The following NUDT9 variants were observed in gnomAD, a reference collection of about 807,000 sequenced individuals.
The protein encoded by NUDT9 is ADP-ribose pyrophosphatase.
NUDT9 carries 31 observed loss-of-function variants against 41.0 expected under a neutral mutation model. The ratio of observed to expected loss-of-function variants is 0.76; its 90% CI spans 0.57 to 1.02. The LOEUF (loss-of-function observed/expected upper bound fraction) is 1.02. Ranked by LOEUF, NUDT9 falls within the 50% of genes least tolerant of loss-of-function variation. NUDT9 has a pLI of 0.00. For synonymous variants in NUDT9, 146 were observed against 147.6 expected (o/e 0.99, Z 0.08); for missense variants, 380 against 431.4 (o/e 0.88, Z 1.06).
chr4:87,441,595 G>C (rs1219627759), intron 3 of NUDT9, among the ~76,000 whole-genome samples: 3 of 152,118 alleles, frequency 2.0e-5, no homozygotes, highest in Non-Finnish European at 4.4e-5. Context: ...GAACCACTTG[G>C]GGTATGAGAG....
intron 1 of NUDT9, among the ~76,000 whole-genome samples, chr4:87,432,781 ATTTTG>A (rs1721743450): frequency 7.1e-6 from 1 of 141,590 alleles, no homozygotes; most frequent in Non-Finnish European, 1.6e-5. Flanking sequence ...TTTTTTTTTT[ATTTTG>A]TTAATGTGAT....
intron 3 of NUDT9, among the ~76,000 whole-genome samples, chr4:87,440,439 T>G (rs1182282952): frequency 6.6e-6 from 1 of 152,266 alleles, no homozygotes; most frequent in African/African-American, 2.4e-5. Context: ...AGTCTGTGTG[T>G]CCATTCCAGT....
chr4:87,424,254 G>GT (rs147874067), intron 1 of NUDT9, among the ~76,000 whole-genome samples: 12,237 of 98,746 alleles, frequency 0.12, 997 homozygotes, highest in East Asian at 0.2. Context: ...TCCCTAATGC[G>GT]TTTTTTTTTT....
chr4:87,434,053 T>C (rs1234550398), intron 1 of NUDT9, among the ~76,000 whole-genome samples: 1 of 152,224 alleles, frequency 6.6e-6, no homozygotes, highest in Non-Finnish European at 1.5e-5. Flanking sequence ...AGTTTTCTTT[T>C]ATATGTATAT....
chr4:87,441,761 G>A (rs910552037), intron 3 of NUDT9, 68 bp from the exon 4 acceptor site: 1 of 1,226,476 alleles, frequency 8.2e-7, no homozygotes, highest in African/African-American at 1.5e-5. Context: ...TCTTCTTTTG[G>A]GTTATATCAA....
chr4:87,454,342 T>C (rs1451999000), intron 6 of NUDT9, 29 bp from the exon 7 acceptor site: 2 of 1,409,274 alleles, frequency 1.4e-6, no homozygotes, highest in Non-Finnish European at 1.0e-6. Flanking sequence ...CCTTGGACTT[T>C]TAAAAAATTT....
At chr4:87,427,585 A>C (rs1473745597) in intron 1 of NUDT9, among the ~76,000 whole-genome samples, 2 of 152,254 alleles carry the variant, frequency 1.3e-5, no homozygotes, top group Non-Finnish European at 2.9e-5. Context: ...AGAAAAGTAA[A>C]TAATCCAGTG....
intron 1 of NUDT9, among the ~76,000 whole-genome samples, chr4:87,429,327 A>C (rs1349284349): frequency 2.6e-5 from 4 of 151,998 alleles, no homozygotes; most frequent in Non-Finnish European, 5.9e-5. Flanking sequence ...AACTTTTAAA[A>C]TTTTTTGTAG....
At position 87,458,067 on chromosome 4, in the gene NUDT9, T is replaced by C; in HGVS notation, c.*46T>C. The C allele has an allele frequency of 6.9e-7, 1 of 1,446,968 alleles. No individual in the cohort carries two copies. The highest frequency in any genetic ancestry group is 9.1e-7 in the Non-Finnish European group (1 of 1,101,146). 89.6% of individuals were successfully genotyped at this position (1,446,968 alleles called of 1,614,324 possible). On this transcript the variant is annotated 3_prime_UTR_variant, in exon 8 of 8. Coordinates refer to ENST00000302174, the MANE Select transcript of NUDT9 (RefSeq NM_024047.5). ...CAAAGGCCCACAGAGGAGCATATAC[T>C]GAAAAGAAGGCAGTATCACAGAATT...
intron 4 of NUDT9, among the ~76,000 whole-genome samples, chr4:87,445,830 C>T (rs765604866): frequency 2.6e-5 from 4 of 152,096 alleles, no homozygotes; most frequent in African/African-American, 9.7e-5. Context: ...AGAAGCTACT[C>T]TGCTTAAAAT....
intron 1 of NUDT9, among the ~76,000 whole-genome samples, chr4:87,426,564 C>T (rs977665510): frequency 4.6e-5 from 7 of 151,920 alleles, no homozygotes; most frequent in Non-Finnish European, 7.4e-5. Flanking sequence ...CGTCTGCCAC[C>T]ATGCCTAGCT....
rs752355195 is a variant in NUDT9 at position 87,435,192 on chromosome 4, G to C, written c.319G>C (p.Gly107Arg). 9 of 1,613,546 alleles carry C rather than the reference G, an allele frequency of 5.6e-6. No individual in the cohort carries two copies. Among genetic ancestry groups the C allele is most frequent in the Non-Finnish European group, 7.6e-6 (9 of 1,179,660 alleles). Residue 107 changes from glycine to arginine, a missense_variant, in exon 2 of 8, where the codon GGA becomes CGA. Physicochemically the swap from Gly to Arg is moderately radical, Grantham distance 125. Transcript: ENST00000302174. ...ATACACTGCAGTCTCTGTCTTGGCT[G>C]GACCCAGGTGGGCAGATCCTCAGAT... is the stretch of plus-strand genomic sequence containing the variant. ...VEYTAVSVLA[G>R]PRWADPQISE...
At chr4:87,449,278 T>A in intron 5 of NUDT9, 25 bp downstream of exon 5, 2 of 1,220,770 alleles carry the variant, frequency 1.6e-6, no homozygotes, top group Non-Finnish European at 2.4e-6. Flanking sequence ...TAAATTAGTG[T>A]TTAAGTTCCT....
chr4:87,435,242 A>G, intron 2 of NUDT9, 22 bp downstream of exon 2: 4 of 1,587,176 alleles, frequency 2.5e-6, no homozygotes, highest in Non-Finnish European at 3.4e-6. Flanking sequence ...AGACAGCGTT[A>G]GCTGGGAATA....
At chr4:87,444,859 CAG>C (rs1722375745) in intron 4 of NUDT9, among the ~76,000 whole-genome samples, 1 of 152,118 alleles carries the variant, frequency 6.6e-6, no homozygotes, top group Non-Finnish European at 1.5e-5. Flanking sequence ...CCACAGGTGG[CAG>C]AGTCTGGCTT....
chr4:87,441,278 G>A (rs979619065), intron 3 of NUDT9, among the ~76,000 whole-genome samples: 1 of 152,122 alleles, frequency 6.6e-6, no homozygotes, highest in Admixed American at 6.6e-5. Flanking sequence ...TGTGGCATCA[G>A]GTTAAATAGT....
chr4:87,432,798 C>T (rs1020709360), intron 1 of NUDT9, among the ~76,000 whole-genome samples: 3 of 151,360 alleles, frequency 2.0e-5, no homozygotes, highest in African/African-American at 4.9e-5. Context: ...TAATGTGATA[C>T]ATTATGTTGA....
At chr4:87,424,881 G>C (rs1203753195) in intron 1 of NUDT9, among the ~76,000 whole-genome samples, 1 of 152,112 alleles carries the variant, frequency 6.6e-6, no homozygotes, top group Non-Finnish European at 1.5e-5. Context: ...GGTATATCCA[G>C]AACCAGAGAC....
chr4:87,438,722 TTATC>T (rs1473507828), intron 3 of NUDT9, among the ~76,000 whole-genome samples: 1 of 152,200 alleles, frequency 6.6e-6, no homozygotes, highest in Non-Finnish European at 1.5e-5. Flanking sequence ...AAGTAAGAAT[TTATC>T]CAAACATGTA....
Sources: allele counts gnomAD v4.1 joint callset (sites outside exome capture counted in the v4.1 genomes callset), GRCh38; gene constraint gnomAD v4.1.1; transcripts MANE v1.5; gene names NCBI Gene and HGNC (gene_info 2026-07-23, HGNC 2026-07-21).